Variants in ARHGAP44 observed in about 807,000 individuals in gnomAD.
ARHGAP44 encodes Rho GTPase activating protein 44.
ARHGAP44 carries 43 observed loss-of-function variants against 106.8 expected under a neutral mutation model. That is an observed-to-expected ratio of 0.40 (90% CI 0.32 to 0.52). The LOEUF (loss-of-function observed/expected upper bound fraction) is 0.52, where lower values mean the gene tolerates loss of function less well. ARHGAP44 is among the 20% of genes least tolerant of loss of function. The probability of loss-of-function intolerance (pLI) is 0.48; values close to 1 mark genes in which losing one functional copy is unlikely to be tolerated. For missense variants in ARHGAP44, 866 were observed against 1,050.5 expected (o/e 0.82, Z 2.43); for synonymous variants, 439 against 410.3 (o/e 1.07, Z -0.85).
intron 1 of ARHGAP44, among the ~76,000 whole-genome samples, chr17:12,884,011 A>G (rs1179046738): frequency 1.3e-5 from 2 of 152,188 alleles, no homozygotes; most frequent in African/African-American, 4.8e-5. Flanking sequence ...TTGATGAGTT[A>G]AAGTTTTCTA....
chr17:12,808,111 T>G (rs192783182), intron 1 of ARHGAP44, among the ~76,000 whole-genome samples: 2 of 152,358 alleles, frequency 1.3e-5, no homozygotes, highest in East Asian at 3.9e-4. Context: ...CAGGGGACAC[T>G]GATGCAACAG....
At chr17:12,893,353 C>T (rs564331049) in intron 1 of ARHGAP44, among the ~76,000 whole-genome samples, 15 of 152,244 alleles carry the variant, frequency 9.9e-5, no homozygotes, top group East Asian at 1.9e-4. Context: ...AAGGGAGCAG[C>T]CTTGTTACTG....
chr17:12,957,265 T>C (rs951369288), intron 15 of ARHGAP44, among the ~76,000 whole-genome samples: 1 of 152,204 alleles, frequency 6.6e-6, no homozygotes, highest in South Asian at 2.1e-4. Context: ...GCCTGTAATC[T>C]CTATTTCAAG....
intron 3 of ARHGAP44, among the ~76,000 whole-genome samples, chr17:12,904,521 G>A (rs1208551404): frequency 5.9e-5 from 9 of 152,164 alleles, no homozygotes; most frequent in Non-Finnish European, 1.5e-5. Flanking sequence ...TCCTCTTAGA[G>A]TGACAGTTAC....
intron 1 of ARHGAP44, among the ~76,000 whole-genome samples, chr17:12,836,748 C>A (rs1279520019): frequency 1.3e-5 from 2 of 152,146 alleles, no homozygotes; most frequent in Non-Finnish European, 2.9e-5. Context: ...GTCTACGCAC[C>A]TGAGAACAGA....
chr17:12,973,884 T>A, intron 17 of ARHGAP44: 1 of 614,936 alleles, frequency 1.6e-6, no homozygotes, highest in African/African-American at 1.9e-5. Flanking sequence ...TTGCCAGGAC[T>A]GGGCTGCCCA....
intron 7 of ARHGAP44, among the ~76,000 whole-genome samples, chr17:12,929,938 A>G (rs1420440523): frequency 6.6e-6 from 1 of 152,176 alleles, no homozygotes; most frequent in African/African-American, 2.4e-5. Context: ...ACCCTGTGCA[A>G]GTGGCTTTGA....
chr17:12,862,465 G>A (rs745606761), intron 1 of ARHGAP44, among the ~76,000 whole-genome samples: 3 of 152,144 alleles, frequency 2.0e-5, no homozygotes, highest in Non-Finnish European at 2.9e-5. Context: ...AGCATAGGGG[G>A]CAGCCTTTTA....
chr17:12,886,839 A>T (rs899949312), intron 1 of ARHGAP44, among the ~76,000 whole-genome samples: 10 of 152,204 alleles, frequency 6.6e-5, no homozygotes, highest in Admixed American at 6.5e-4. Context: ...GAGTGGTAGG[A>T]GCAAATGCAC....
At chr17:12,906,694 G>A (rs1567679595) in intron 3 of ARHGAP44, among the ~76,000 whole-genome samples, 1 of 152,072 alleles carries the variant, frequency 6.6e-6, no homozygotes, top group African/African-American at 2.4e-5. Flanking sequence ...CAGCACTTTG[G>A]GAGGCCAAAG....
chr17:12,863,940 A>G (rs1326993554), intron 1 of ARHGAP44, among the ~76,000 whole-genome samples: 1 of 152,204 alleles, frequency 6.6e-6, no homozygotes, highest in Non-Finnish European at 1.5e-5. Flanking sequence ...CTGGCCATCA[A>G]CTGGGACCTT....
chr17:12,975,048 C>T (rs1428644969), intron 18 of ARHGAP44, among the ~76,000 whole-genome samples: 1 of 152,012 alleles, frequency 6.6e-6, no homozygotes, highest in Non-Finnish European at 1.5e-5. Context: ...TGGGGTTTCA[C>T]TATGCTGGCC....
chr17:12,840,917 C>G (rs1317001873), intron 1 of ARHGAP44, among the ~76,000 whole-genome samples: 1 of 152,142 alleles, frequency 6.6e-6, no homozygotes, highest in Non-Finnish European at 1.5e-5. Context: ...CCTGACCTGA[C>G]CCAGCTCAGG....
rs2038944401 is a variant in ARHGAP44, at chr17:12,949,590, G to T, written c.974-59G>T. Reference sequence around the variant, plus strand: ...GAACCCACATAGGCAGTGCTGGCTGGTGGGTCTTGCCTCTGCCACATCATA... The same window carrying T: ...GAACCCACATAGGCAGTGCTGGCTGTTGGGTCTTGCCTCTGCCACATCATA... On this transcript the variant is annotated intron_variant, in intron 11 of 20. Coordinates refer to ENST00000379672, the MANE Select transcript of ARHGAP44 (RefSeq NM_014859.6). The surrounding 1 kb of genome is among the most constrained non-coding windows in gnomAD (Gnocchi z 4.1). The T allele has an allele frequency of 2.0e-6, 3 of 1,532,884 alleles. No individual in the cohort carries two copies. Among genetic ancestry groups the T allele is most frequent in the Admixed American group, 1.7e-5 (1 of 58,528 alleles). The allele number at this position is 1,532,884 out of a possible 1,614,324, so 95.0% of individuals were successfully genotyped here.
At chr17:12,822,882 T>G (rs903174757) in intron 1 of ARHGAP44, among the ~76,000 whole-genome samples, 1 of 152,204 alleles carries the variant, frequency 6.6e-6, no homozygotes, top group Admixed American at 6.5e-5. Context: ...TGCGTTCTGT[T>G]CAAGTATCCA....
intron 1 of ARHGAP44, among the ~76,000 whole-genome samples, chr17:12,813,667 G>A (rs1383914990): frequency 6.6e-6 from 1 of 152,150 alleles, no homozygotes; most frequent in Admixed American, 6.5e-5. Context: ...TCAGTAACAG[G>A]AATGGATGTG....
rs776535986 is a variant in ARHGAP44, at chr17:12,949,616, A to G, written c.974-33A>G. The G allele has an allele frequency of 2.2e-5, 35 of 1,607,004 alleles. No individual in the cohort carries two copies. In the South Asian group the frequency reaches 3.6e-4, roughly 17 times the overall value. The stretch of plus-strand genomic sequence containing the variant: ...TGGGTCTTGCCTCTGCCACATCATA[A>G]CAGTTCACAACCAATATTTCATTCA... On this transcript the variant is annotated intron_variant, in intron 11 of 20. Coordinates refer to ENST00000379672, the MANE Select transcript of ARHGAP44 (RefSeq NM_014859.6). The surrounding 1 kb of genome is among the most constrained non-coding windows in gnomAD (Gnocchi z 4.1).
In ARHGAP44 at chr17:12,990,758, C is replaced by T. The variant is rs1049922965; in HGVS notation, c.*587C>T. ...TCAGGCCGCCCCCATCAGTGGGCTC[C>T]AAAGTAAATGGCTGAAAACAAAAAT... On this transcript the variant is annotated 3_prime_UTR_variant, in exon 21 of 21. Coordinates refer to ENST00000379672, the MANE Select transcript of ARHGAP44 (RefSeq NM_014859.6). 2.6e-5 allele frequency: 4 copies of T among 152,280 alleles called. No individual in the cohort carries two copies. Among genetic ancestry groups the T allele is most frequent in the African/African-American group, 9.7e-5 (4 of 41,448 alleles). 9.4% of individuals were successfully genotyped at this position (152,280 alleles called of 1,614,324 possible). A position where few individuals can be genotyped will look rare whatever the true frequency, so the allele number is the denominator to read the frequency against.
At chr17:12,827,621 ATACTT>A (rs1174052190) in intron 1 of ARHGAP44, among the ~76,000 whole-genome samples, 1 of 152,152 alleles carries the variant, frequency 6.6e-6, no homozygotes, top group Admixed American at 6.5e-5. Context: ...TTAGAATTTA[ATACTT>A]TACTCCCTAG....
Sources: allele counts gnomAD v4.1 joint callset (sites outside exome capture counted in the v4.1 genomes callset), GRCh38; gene constraint gnomAD v4.1.1; non-coding constraint Gnocchi (gnomAD v3.1); transcripts MANE v1.5; gene names NCBI Gene and HGNC (gene_info 2026-07-23, HGNC 2026-07-21).